Variants in LNPEP observed in about 807,000 individuals in gnomAD.
LNPEP encodes the protein leucyl and cystinyl aminopeptidase, also known as leucyl-cystinyl aminopeptidase.
Under a neutral mutation model 120.6 loss-of-function variants are expected in LNPEP, and 64 were observed. The observed-to-expected ratio is 0.53, with a 90% CI of 0.43 to 0.65. The LOEUF is 0.65. LNPEP is among the 30% of genes least tolerant of loss of function. The probability of loss-of-function intolerance (pLI) is 0.00; values close to 1 mark genes in which losing one functional copy is unlikely to be tolerated. For synonymous variants in LNPEP, 435 were observed against 425.4 expected (o/e 1.02, Z -0.28); for missense variants, 1,057 against 1,200.0 (o/e 0.88, Z 1.76).
intron 1 of LNPEP, among the ~76,000 whole-genome samples, chr5:96,952,747 G>T (rs1159941399): frequency 1.3e-5 from 2 of 151,940 alleles, no homozygotes; most frequent in African/African-American, 4.8e-5. Context: ...ATATCCAAAG[G>T]GTTTTCAACA....
intron 9 of LNPEP, among the ~76,000 whole-genome samples, chr5:97,004,551 G>A (rs144002241): frequency 1.3e-5 from 2 of 151,584 alleles, no homozygotes; most frequent in African/African-American, 4.8e-5. Flanking sequence ...AGACTTATTT[G>A]GAAATTTGAT....
intron 8 of LNPEP, among the ~76,000 whole-genome samples, chr5:96,999,176 T>C (rs1790586403): frequency 6.6e-6 from 1 of 152,212 alleles, no homozygotes; most frequent in Admixed American, 6.5e-5. Flanking sequence ...TTGATTAAAG[T>C]TACTATTTAG....
chr5:96,980,032 A>G (rs1276559147), intron 2 of LNPEP, 54 bp downstream of exon 2: 2 of 1,499,224 alleles, frequency 1.3e-6, no homozygotes, highest in Non-Finnish European at 1.8e-6. Flanking sequence ...CTTCTGCAAT[A>G]TAGATCCCTT....
At chr5:97,012,496 A>T (rs1790960301) in intron 11 of LNPEP, among the ~76,000 whole-genome samples, 1 of 152,162 alleles carries the variant, frequency 6.6e-6, no homozygotes, top group African/African-American at 2.4e-5. Flanking sequence ...TTATTCATTC[A>T]CTGACTAATT....
At chr5:97,019,017 T>G (rs1453801454) in intron 13 of LNPEP, among the ~76,000 whole-genome samples, 1 of 152,200 alleles carries the variant, frequency 6.6e-6, no homozygotes, top group African/African-American at 2.4e-5. Flanking sequence ...AAAACTGACA[T>G]TTCACTTTTA....
intron 14 of LNPEP, among the ~76,000 whole-genome samples, chr5:97,023,561 C>A (rs976273902): frequency 6.6e-6 from 1 of 152,074 alleles, no homozygotes; most frequent in Non-Finnish European, 1.5e-5. Context: ...GCTAAAATTT[C>A]TTTCTTTTTA....
rs145781697 is a variant in LNPEP, at chr5:97,027,727, C to G, written c.2865-6C>G. On this transcript the variant is annotated splice_region_variant and splice_polypyrimidine_tract_variant and intron_variant, in intron 16 of 17. Coordinates refer to ENST00000231368, the MANE Select transcript of LNPEP (RefSeq NM_005575.3). ...TCTTTTTGCTCTTGTTTTTGTGTTT[C>G]TTCAGGTTCCCTCTGGGGTCCTATA... is the stretch of plus-strand genomic sequence containing the variant. 111 of 1,578,068 alleles carry G rather than the reference C, an allele frequency of 7.0e-5. No homozygotes were observed. In the African/African-American group the frequency reaches 1.4e-3, roughly 20 times the overall value.
intron 16 of LNPEP, among the ~76,000 whole-genome samples, chr5:97,027,107 A>G (rs531555184): frequency 6.6e-6 from 1 of 152,264 alleles, no homozygotes; most frequent in East Asian, 1.9e-4. Context: ...TAATCCCAGC[A>G]CTTTGGGAGG....
intron 13 of LNPEP, 67 bp from the exon 14 acceptor site, chr5:97,022,233 T>G: frequency 9.8e-7 from 1 of 1,016,744 alleles, no homozygotes; most frequent in Non-Finnish European, 1.5e-6. Flanking sequence ...CTGGCTGTAA[T>G]TGTCCTGTTT....
chr5:97,012,376 AT>A (rs927682948), intron 11 of LNPEP, among the ~76,000 whole-genome samples: 2 of 152,190 alleles, frequency 1.3e-5, no homozygotes, highest in Non-Finnish European at 2.9e-5. Context: ...ACAATTAAAA[AT>A]TTTTTTAAGT....
At chr5:96,969,073 C>A (rs1028617104) in intron 1 of LNPEP, among the ~76,000 whole-genome samples, 1 of 151,984 alleles carries the variant, frequency 6.6e-6, no homozygotes, top group African/African-American at 2.4e-5. Flanking sequence ...ATTGTGATTA[C>A]CTCAAATGAA....
intron 1 of LNPEP, among the ~76,000 whole-genome samples, chr5:96,938,017 A>G (rs1390335321): frequency 1.3e-5 from 2 of 152,244 alleles, no homozygotes; most frequent in African/African-American, 4.8e-5. Context: ...AGCCTTATTT[A>G]GCATCCTTTT....
chr5:96,995,550 A>G (rs1029277793), intron 6 of LNPEP, among the ~76,000 whole-genome samples: 2 of 151,806 alleles, frequency 1.3e-5, no homozygotes, highest in African/African-American at 4.8e-5. Context: ...TTTTAAAGAA[A>G]CAAGATCTCA....
At chr5:97,010,778 C>T (rs1182296694) in intron 11 of LNPEP, 1 of 985,140 alleles carries the variant, frequency 1.0e-6, no homozygotes, top group Non-Finnish European at 1.2e-6. Flanking sequence ...AAATTAAAAA[C>T]ATATGAGGGT....
In LNPEP at chr5:97,014,948, G is replaced by T; in HGVS notation, c.2229G>T (p.Lys743Asn). Residue 743 changes from lysine to asparagine, a missense_variant, in exon 13 of 18, where the codon AAG (lysine) becomes AAT (asparagine). Lys to Asn is a moderately conservative substitution (Grantham distance 94). Coordinates refer to ENST00000231368, the MANE Select transcript of LNPEP (RefSeq NM_005575.3). ...TTCTTTTATCCTTTAGCCTAGGCAAGGTACCTCTCAAGAGGGCCTTTGATT... is the reference window on the plus strand; with the variant it reads ...TTCTTTTATCCTTTAGCCTAGGCAATGTACCTCTCAAGAGGGCCTTTGATT... The part of the protein sequence containing the change: ...NNIFELAGLG[K>N]VPLKRAFDLI... The T allele has an allele frequency of 6.4e-7, 1 of 1,561,074 alleles. No homozygotes were observed. The highest frequency in any genetic ancestry group is 1.3e-5 in the South Asian group (1 of 79,110).
intron 1 of LNPEP, among the ~76,000 whole-genome samples, chr5:96,972,173 G>A (rs971973653): frequency 8.5e-5 from 13 of 152,084 alleles, no homozygotes; most frequent in African/African-American, 2.9e-4. Flanking sequence ...TTTTAAGGCA[G>A]ATCTGTGGAA....
At chr5:97,011,231 T>G (rs1297241024) in intron 11 of LNPEP, 2 of 976,910 alleles carry the variant, frequency 2.0e-6, no homozygotes, top group Admixed American at 6.2e-5. Flanking sequence ...TTTCTTTACG[T>G]TTGTTTTTAT....
At chr5:96,948,338 G>T (rs936261207) in intron 1 of LNPEP, among the ~76,000 whole-genome samples, 1 of 152,116 alleles carries the variant, frequency 6.6e-6, no homozygotes, top group Non-Finnish European at 1.5e-5. Context: ...GGCAGGTCTC[G>T]AACTCCTGAC....
chr5:96,979,356 T>C lies in LNPEP; in HGVS notation c.238T>C (p.Ser80Pro), dbSNP rs1195217477. 3 of 1,614,092 alleles carry C rather than the reference T, an allele frequency of 1.9e-6. No individual in the cohort carries two copies. Among genetic ancestry groups the C allele is most frequent in the Non-Finnish European group, 2.5e-6 (3 of 1,179,956 alleles). Residue 80 changes from serine to proline, a missense_variant, in exon 2 of 18, where the codon TCC (serine) becomes CCC (proline). Transcript: ENST00000231368. ...YESSAKLLGMSFMNRSSGLRN... is the reference protein window; with the variant it reads ...YESSAKLLGMPFMNRSSGLRN... ...GTCATCAGCAAAGCTGCTGGGCATG[T>C]CCTTCATGAATAGAAGCTCAGGCCT... is the stretch of plus-strand genomic sequence containing the variant.
Sources: gnomAD v4.1 joint callset for allele counts (sites outside exome capture counted in the v4.1 genomes callset) on GRCh38, gnomAD v4.1.1 for gene constraint, MANE v1.5 for transcripts, NCBI Gene and HGNC (gene_info 2026-07-23, HGNC 2026-07-21) for gene names.